Variants in GALNT5 observed in about 807,000 individuals in gnomAD.
The protein encoded by GALNT5 is UDP-GalNAc:polypeptide N-acetylgalactosaminyltransferase 5.
GALNT5 carries 72 observed loss-of-function variants against 85.4 expected under a neutral mutation model. That is an observed-to-expected ratio of 0.84 (90% CI 0.70 to 1.03). The LOEUF (loss-of-function observed/expected upper bound fraction) is 1.03, where lower values mean the gene tolerates loss of function less well. Ranked by LOEUF, GALNT5 falls within the 50% of genes least tolerant of loss-of-function variation. GALNT5 has a pLI of 0.00. For synonymous variants in GALNT5, 404 were observed against 397.0 expected (o/e 1.02, Z -0.21); for missense variants, 1,137 against 1,135.5 (o/e 1.00, Z -0.02).
At chr2:157,275,018 G>A (rs1682687516) in intron 1 of GALNT5, among the ~76,000 whole-genome samples, 1 of 152,146 alleles carries the variant, frequency 6.6e-6, no homozygotes, top group East Asian at 1.9e-4. Flanking sequence ...TAAAGTGTAA[G>A]GAAGGGATCC....
rs1417853272 is a variant in GALNT5, at chr2:157,314,342, C to A, written c.*2994C>A. The A allele has an allele frequency of 6.6e-6, 1 of 152,100 alleles. No homozygotes were observed. The highest frequency in any genetic ancestry group is 1.5e-5 in the Non-Finnish European group (1 of 68,026). The allele number at this position is 152,100 out of a possible 1,614,324, so 9.4% of individuals were successfully genotyped here. On this transcript the variant is annotated 3_prime_UTR_variant, in exon 10 of 10. Transcript: ENST00000259056. The stretch of plus-strand genomic sequence containing the variant: ...TGAGACTTTTCAGTTTGCACAATTT[C>A]TTTCTCCTTTTCAACAGTTACCCAG...
chr2:157,287,865 T>C, intron 3 of GALNT5, among the ~76,000 whole-genome samples: 1 of 152,220 alleles, frequency 6.6e-6, no homozygotes, highest in East Asian at 1.9e-4. Flanking sequence ...CCATTCTGAA[T>C]ACTTTGTGTA....
intron 3 of GALNT5, among the ~76,000 whole-genome samples, chr2:157,287,155 C>G (rs1682998794): frequency 6.6e-6 from 1 of 152,128 alleles, no homozygotes; most frequent in South Asian, 2.1e-4. Context: ...AAGATGTTGA[C>G]AGCTAAACCT....
intron 8 of GALNT5, among the ~76,000 whole-genome samples, chr2:157,307,984 C>T (rs1683489436): frequency 6.6e-6 from 1 of 152,198 alleles, no homozygotes; most frequent in African/African-American, 2.4e-5. Flanking sequence ...GGATGCCAAC[C>T]TGGTAGCAAC....
intron 1 of GALNT5, among the ~76,000 whole-genome samples, chr2:157,270,150 G>A (rs1224196531): frequency 6.6e-6 from 1 of 152,092 alleles, no homozygotes; most frequent in African/African-American, 2.4e-5. Flanking sequence ...CAGAGCCCAT[G>A]CCGGAACATT....
In GALNT5 at chr2:157,271,766, GAGA is replaced by G. The variant is rs570316861; in HGVS notation, c.1454+12234_1454+12236del. On this transcript the variant is annotated intron_variant, in intron 1 of 9. Coordinates refer to ENST00000259056, the MANE Select transcript of GALNT5 (RefSeq NM_014568.3). ...GAGTGAGATGCCTGTGAGACATGCAGAGAAGATGTTCAGAAATTGTTTGGATAT... is the reference window on the plus strand; with the variant it reads ...GAGTGAGATGCCTGTGAGACATGCAGAGATGTTCAGAAATTGTTTGGATAT... Among the ~76,000 whole-genome samples, 14 of 152,304 alleles carry G rather than the reference GAGA, an allele frequency of 9.2e-5. No homozygotes were observed. In the South Asian group the frequency reaches 1.9e-3, roughly 20 times the overall value.
chr2:157,264,242 G>A (rs1682412056), intron 1 of GALNT5, among the ~76,000 whole-genome samples: 1 of 151,562 alleles, frequency 6.6e-6, no homozygotes, highest in Admixed American at 6.6e-5. Flanking sequence ...TCCTATGCAG[G>A]GCAGTTCTAC....
chr2:157,264,174 T>TACACAC (rs59575957), intron 1 of GALNT5, among the ~76,000 whole-genome samples: 8 of 144,696 alleles, frequency 5.5e-5, no homozygotes, highest in Non-Finnish European at 1.1e-4. Context: ...TCAACACACA[T>TACACAC]ACACACACAC....
chr2:157,275,440 T>G (rs1186296743), intron 1 of GALNT5, among the ~76,000 whole-genome samples: 10 of 152,232 alleles, frequency 6.6e-5, no homozygotes, highest in Non-Finnish European at 5.9e-5. Context: ...ATTTTCACTA[T>G]ATTGATTCTT....
intron 4 of GALNT5, among the ~76,000 whole-genome samples, 187 bp downstream of exon 4, chr2:157,295,985 T>A (rs1252394566): frequency 1.8e-4 from 28 of 152,194 alleles, no homozygotes; most frequent in Admixed American, 1.8e-3. Flanking sequence ...CAATAATCTA[T>A]CTGGTCACTA....
At chr2:157,305,855 T>C (rs773207258) in intron 8 of GALNT5, 26 bp downstream of exon 8, 2 of 1,281,636 alleles carry the variant, frequency 1.6e-6, no homozygotes, top group Admixed American at 1.7e-5. Flanking sequence ...TTCTATCTCA[T>C]GGTAGCTGAT....
intron 1 of GALNT5, 40 bp from the exon 2 acceptor site, chr2:157,284,242 C>T (rs1262922559): frequency 1.9e-6 from 3 of 1,585,128 alleles, no homozygotes; most frequent in African/African-American, 2.7e-5. Context: ...TGTGGATCTC[C>T]TTAGCACATC....
At position 157,311,846 on chromosome 2, in the gene GALNT5, C is replaced by A. The variant is rs1395730661; in HGVS notation, c.*498C>A. 1 of 152,706 alleles carries A rather than the reference C, an allele frequency of 6.5e-6. No individual in the cohort carries two copies. Among genetic ancestry groups the A allele is most frequent in the East Asian group, 1.9e-4 (1 of 5,210 alleles). The allele number at this position is 152,706 out of a possible 1,614,324, so 9.5% of individuals were successfully genotyped here. ...CCCACAGCTGTCACGTTTGTGAAAT[C>A]CCTCCAGACTACATGCATGCTTACC... On this transcript the variant is annotated 3_prime_UTR_variant, in exon 10 of 10. Coordinates refer to ENST00000259056, the MANE Select transcript of GALNT5 (RefSeq NM_014568.3).
intron 7 of GALNT5, among the ~76,000 whole-genome samples, chr2:157,301,233 GT>G (rs986898561): frequency 2.0e-5 from 3 of 152,110 alleles, no homozygotes; most frequent in African/African-American, 7.3e-5. Flanking sequence ...AGATCTGGGA[GT>G]ATTTCAGACT....
rs368275064 is a variant in GALNT5, at chr2:157,258,487, C to T, written c.405C>T (p.Leu135=). 1.2e-6 allele frequency: 2 copies of T among 1,608,354 alleles called. No homozygotes were observed. Among genetic ancestry groups the T allele is most frequent in the Middle Eastern group, 1.7e-4 (1 of 6,038 alleles). Residue 135 remains leucine (L), a synonymous_variant, in exon 1 of 10, where the codon CTC becomes CTT. Coordinates refer to ENST00000259056, the MANE Select transcript of GALNT5 (RefSeq NM_014568.3). ...PLWHPAHLQT[L]PVTPNKQKTD... ...GGCATCCTGCACATCTGCAGACCCT[C>T]CCTGTGACTCCTAACAAGCAGAAGA...
chr2:157,294,784 CCACACACACACACACACA>C (rs60607353), intron 3 of GALNT5, among the ~76,000 whole-genome samples: 1,775 of 147,022 alleles, frequency 0.012, 43 homozygotes, highest in African/African-American at 0.042. Flanking sequence ...TCACATCACA[CCACACACACACACACACA>C]CACACACACA....
At chr2:157,282,326 T>C (rs984375459) in intron 1 of GALNT5, among the ~76,000 whole-genome samples, 2 of 152,206 alleles carry the variant, frequency 1.3e-5, no homozygotes, top group Non-Finnish European at 2.9e-5. Flanking sequence ...GTCATTCTTT[T>C]GTTTGTTGGT....
At chr2:157,271,469 C>T (rs2105126036) in intron 1 of GALNT5, among the ~76,000 whole-genome samples, 1 of 152,202 alleles carries the variant, frequency 6.6e-6, no homozygotes, top group Non-Finnish European at 1.5e-5. Context: ...TAGGAGACTC[C>T]AGCAATAATC....
At chr2:157,295,532 C>G in intron 3 of GALNT5, 131 bp from the exon 4 acceptor site, 1 of 571,444 alleles carries the variant, frequency 1.7e-6, no homozygotes, top group Non-Finnish European at 2.9e-6. Context: ...ACCACGAATT[C>G]AGAAAAAAAA....
Sources: allele counts gnomAD v4.1 joint callset (sites outside exome capture counted in the v4.1 genomes callset), GRCh38; gene constraint gnomAD v4.1.1; transcripts MANE v1.5; gene names NCBI Gene and HGNC (gene_info 2026-07-23, HGNC 2026-07-21).